ANXA2: variants seen among roughly 807,000 people sequenced by gnomAD.
ANXA2 encodes annexin II.
Under a neutral mutation model 47.3 loss-of-function variants are expected in ANXA2, and 28 were observed. The observed-to-expected ratio is 0.59, with a 90% CI of 0.44 to 0.81. The LOEUF is 0.81. Ranked by LOEUF, ANXA2 falls within the 40% of genes least tolerant of loss-of-function variation. The pLI is 0.00. For missense variants in ANXA2, 384 were observed against 414.3 expected (o/e 0.93, Z 0.64); for synonymous variants, 172 against 155.5 (o/e 1.11, Z -0.79).
chr15:60,385,981 G>C (rs1403040019), intron 2 of ANXA2, 47 bp downstream of exon 2: 9 of 1,289,128 alleles, frequency 7.0e-6, no homozygotes, highest in Non-Finnish European at 1.0e-5. Context: ...TATCCAGAGA[G>C]ATGTCCAACT....
At chr15:60,377,770 CTTTTA>C (rs1009343623) in intron 3 of ANXA2, among the ~76,000 whole-genome samples, 5 of 152,132 alleles carry the variant, frequency 3.3e-5, no homozygotes, top group East Asian at 1.9e-4. Flanking sequence ...TTGCTAATGC[CTTTTA>C]TTTTTTCTTT....
chr15:60,374,655 T>C (rs1253760633), intron 3 of ANXA2: 1 of 455,962 alleles, frequency 2.2e-6, no homozygotes. Flanking sequence ...TTCCAGTGTT[T>C]GATAGCTACG....
At chr15:60,350,303 T>C (rs953677421) in intron 11 of ANXA2, among the ~76,000 whole-genome samples, 2 of 152,134 alleles carry the variant, frequency 1.3e-5, no homozygotes, top group Non-Finnish European at 2.9e-5. Context: ...TCAATAAATA[T>C]ATACTGAGCA....
chr15:60,397,372 C>T, intron 1 of ANXA2: 1 of 963,244 alleles, frequency 1.0e-6, no homozygotes, highest in Non-Finnish European at 1.2e-6. Context: ...GTTTTAATGT[C>T]TTCTTTTATG....
chr15:60,362,956 A>C (rs2062537563), intron 4 of ANXA2: 1 of 144,888 alleles, frequency 6.9e-6, no homozygotes, highest in Non-Finnish European at 1.5e-5. Context: ...ATTTGAGTCC[A>C]CATGGCAGAA....
At position 60,355,952 on chromosome 15, in the gene ANXA2, A is replaced by G. The variant is rs759314333; in HGVS notation, c.495T>C (p.Gly165=). ...LEKDIISDTS[G]DFRKLMVALA... is the part of the protein sequence containing the mutation. Reference sequence around the variant, plus strand: ...GGGCAACCATCAGCTTGCGGAAGTCACCAGATGTGTCCGAAATAATGTCCT... The same window carrying G: ...GGGCAACCATCAGCTTGCGGAAGTCGCCAGATGTGTCCGAAATAATGTCCT... The change falls in exon 7 of 13, where the codon GGT becomes GGC. Residue 165 remains glycine, a synonymous_variant. Coordinates refer to ENST00000451270, the MANE Select transcript of ANXA2 (RefSeq NM_004039.3). 2 of 1,614,188 alleles carry G rather than the reference A, an allele frequency of 1.2e-6. No homozygotes were observed. The highest frequency in any genetic ancestry group is 1.7e-6 in the Non-Finnish European group (2 of 1,180,012).
rs553768833 is a variant in ANXA2 at position 60,357,785 on chromosome 15, C to G, written c.358-549G>C. Among the ~76,000 whole-genome samples the G allele has an allele frequency of 1.1e-4, 17 of 150,880 alleles. 2 individuals are homozygous for G. In the Middle Eastern group the frequency reaches 0.024, roughly 213 times the overall value. ...CTCCAGCCTGGACGACAGAGTAAGA[C>G]CCCATCTCAAAAAAAAAAAAAAGTA... On this transcript the variant is annotated intron_variant, in intron 5 of 12. Coordinates refer to ENST00000451270, the MANE Select transcript of ANXA2 (RefSeq NM_004039.3).
intron 3 of ANXA2, among the ~76,000 whole-genome samples, chr15:60,375,715 G>A (rs765255504): frequency 5.9e-5 from 9 of 152,286 alleles, no homozygotes; most frequent in Non-Finnish European, 1.3e-4. Context: ...ATTTGGTTTA[G>A]GCAGCACAGG....
In ANXA2 at chr15:60,347,625, G is replaced by A. The variant is rs201424362; in HGVS notation, c.*5C>T. 5.4e-5 allele frequency: 87 copies of A among 1,614,052 alleles called. 1 individual carries two copies. In the African/African-American group the frequency reaches 7.7e-4, roughly 14 times the overall value. ...CATTTCTGGACGCTCAGGCCGTGTC[G>A]GGCTTCAGTCATCTCCACCACACAG... On this transcript the variant is annotated 3_prime_UTR_variant, in exon 13 of 13. Transcript: ENST00000451270.
chr15:60,350,294 C>A (rs1895949127), intron 11 of ANXA2, among the ~76,000 whole-genome samples: 1 of 152,118 alleles, frequency 6.6e-6, no homozygotes, highest in Non-Finnish European at 1.5e-5. Flanking sequence ...TGCCACCATT[C>A]AATAAATATA....
At chr15:60,397,921 G>T (rs377594844) in intron 1 of ANXA2, 22 bp downstream of exon 1, 5 of 1,329,970 alleles carry the variant, frequency 3.8e-6, no homozygotes, top group South Asian at 2.0e-5. Context: ...CATCGCGGGC[G>T]GGCAGGGCGC....
At chr15:60,364,580 C>A (rs1269416773) in intron 3 of ANXA2, 57 bp from the exon 4 acceptor site, 16 of 1,376,772 alleles carry the variant, frequency 1.2e-5, no homozygotes, top group Non-Finnish European at 1.6e-5. Flanking sequence ...TTTGGGCTTA[C>A]ATAGAAGGTG....
chr15:60,393,210 G>A, intron 1 of ANXA2: 3 of 1,139,790 alleles, frequency 2.6e-6, no homozygotes, highest in South Asian at 1.9e-5. Flanking sequence ...GGCCTGATCT[G>A]AATCAATATT....
chr15:60,397,868 T>C, intron 1 of ANXA2, 75 bp downstream of exon 1: 1 of 1,384,872 alleles, frequency 7.2e-7, no homozygotes, highest in Admixed American at 3.1e-5. Flanking sequence ...TGCCAGGCCG[T>C]ACCCTTCTTC....
In ANXA2 at chr15:60,352,456, C is replaced by T. The variant is rs759572444; in HGVS notation, c.609G>A (p.Val203=). The part of the protein sequence containing the change: ...QDARDLYDAG[V]KRKGTDVPKW... Reference sequence around the variant, plus strand: ...TGGGAACATCAGTTCCTTTCCTCTTCACTCCAGCGTCATAGAGATCCTACG... The same window carrying T: ...TGGGAACATCAGTTCCTTTCCTCTTTACTCCAGCGTCATAGAGATCCTACG... The change falls in exon 9 of 13, where the codon GTG becomes GTA. Residue 203 remains valine, a synonymous_variant. Transcript: ENST00000451270. This position sits in a 1 kb window ranked among gnomAD's most constrained non-coding sequence, Gnocchi z 4.2. 1.2e-6 allele frequency: 2 copies of T among 1,613,524 alleles called. No individual in the cohort carries two copies. The highest frequency in any genetic ancestry group is 1.7e-5 in the Admixed American group (1 of 59,996).
intron 3 of ANXA2, among the ~76,000 whole-genome samples, chr15:60,372,713 A>C (rs1320423652): frequency 7.6e-6 from 1 of 131,488 alleles, no homozygotes; most frequent in African/African-American, 3.0e-5. Flanking sequence ...TTTTTTTTTT[A>C]AACAGGGTCT....
At chr15:60,386,532 A>AT (rs1158239242) in intron 1 of ANXA2, 2 of 153,832 alleles carry the variant, frequency 1.3e-5, no homozygotes, top group African/African-American at 4.8e-5. Flanking sequence ...AATTAGTAGC[A>AT]TTTTCATGTT....
chr15:60,392,124 T>G (rs1244947218), intron 1 of ANXA2, among the ~76,000 whole-genome samples: 1 of 152,152 alleles, frequency 6.6e-6, no homozygotes, highest in Non-Finnish European at 1.5e-5. Context: ...ATTCACTACT[T>G]GGGTAGGAAA....
Position 60,352,512 on chromosome 15 carries a change from C to A in ANXA2, c.589-36G>T. 2 of 1,439,056 alleles carry A rather than the reference C, an allele frequency of 1.4e-6. No homozygotes were observed. The highest frequency in any genetic ancestry group is 1.9e-6 in the Non-Finnish European group (2 of 1,033,932). The allele number at this position is 1,439,056 out of a possible 1,614,324, so 89.1% of individuals were successfully genotyped here. A position where few individuals can be genotyped will look rare whatever the true frequency, so the allele number is the denominator to read the frequency against. ...AACCAACCAGGAAAAGTTAACTACACATCCAATGTAACGTCAAAAAAAATG... is the reference window on the plus strand; with the variant it reads ...AACCAACCAGGAAAAGTTAACTACAAATCCAATGTAACGTCAAAAAAAATG... On this transcript the variant is annotated intron_variant, in intron 8 of 12. Transcript: ENST00000451270. This position sits in a 1 kb window ranked among gnomAD's most constrained non-coding sequence, Gnocchi z 4.2.
Sources: gnomAD v4.1 joint callset for allele counts (sites outside exome capture counted in the v4.1 genomes callset) on GRCh38, gnomAD v4.1.1 for gene constraint, Gnocchi (gnomAD v3.1) non-coding constraint, MANE v1.5 for transcripts, NCBI Gene and HGNC (gene_info 2026-07-23, HGNC 2026-07-21) for gene names.